Variants in COL21A1 observed in about 807,000 individuals in gnomAD.
COL21A1 encodes the protein collagen alpha-1(XXI) chain.
A neutral mutation model predicts 137.9 loss-of-function variants in COL21A1; 149 were observed. The observed-to-expected ratio is 1.08, with a 90% confidence interval of 0.95 to 1.24. COL21A1 has a LOEUF of 1.24. Among genes scored for constraint, COL21A1 ranks in the 50% most tolerant of loss-of-function variants. COL21A1 has a pLI of 0.00. For synonymous variants in COL21A1, 456 were observed against 391.5 expected (o/e 1.16, Z -1.95); for missense variants, 1,167 against 1,158.4 (o/e 1.01, Z -0.11).
At chr6:56,245,010 C>T (rs1782562439) in intron 1 of COL21A1, among the ~76,000 whole-genome samples, 1 of 152,164 alleles carries the variant, frequency 6.6e-6, no homozygotes, top group Non-Finnish European at 1.5e-5. Context: ...CTCACCTACT[C>T]TTTTTGCCAG....
chr6:56,254,821 T>A (rs1782929079), intron 1 of COL21A1, among the ~76,000 whole-genome samples: 1 of 152,166 alleles, frequency 6.6e-6, no homozygotes, highest in South Asian at 2.1e-4. Flanking sequence ...ATGAAGAAAA[T>A]CAGTGAAGAC....
chr6:56,097,753 T>G (rs556037516), intron 17 of COL21A1, among the ~76,000 whole-genome samples: 1 of 124,520 alleles, frequency 8.0e-6, no homozygotes, highest in Non-Finnish European at 1.6e-5. Flanking sequence ...TTTATATTTT[T>G]TATATATATA....
Position 56,060,210 on chromosome 6 carries a change from G to A in COL21A1, c.2416C>T (p.Pro806Ser), listed in dbSNP as rs200564236. Reference protein sequence around the residue: ...VCTDVIRAQLPVLLQSGRIRN... With the variant: ...VCTDVIRAQLSVLLQSGRIRN... ...ATTCTTCCACTCTGAAGTAAGACTG[G>A]TAGCTGGGCTTTCAAAAACAAAGAA... Residue 806 changes from proline (P) to serine (S), a missense_variant, in exon 28 of 30, where the codon CCA becomes TCA. Pro to Ser is a moderately conservative substitution (Grantham distance 74, BLOSUM62 -1). Coordinates refer to ENST00000244728, the MANE Select transcript of COL21A1 (RefSeq NM_030820.4). 1.3e-6 allele frequency: 2 copies of A among 1,595,448 alleles called. No individual in the cohort carries two copies. Among genetic ancestry groups the A allele is most frequent in the African/African-American group, 2.7e-5 (2 of 73,830 alleles).
chr6:56,211,260 A>C (rs942543315), intron 1 of COL21A1, among the ~76,000 whole-genome samples: 1 of 143,592 alleles, frequency 7.0e-6, no homozygotes, highest in African/African-American at 2.5e-5. Flanking sequence ...TAATGAAAGG[A>C]TAGGCCACAC....
intron 1 of COL21A1, among the ~76,000 whole-genome samples, chr6:56,352,813 G>A (rs1765741204): frequency 6.6e-6 from 1 of 152,164 alleles, no homozygotes; most frequent in Non-Finnish European, 1.5e-5. Context: ...GCCAAGGCGG[G>A]CAAATCAGCT....
intron 1 of COL21A1, among the ~76,000 whole-genome samples, chr6:56,379,584 A>G (rs1320112692): frequency 6.6e-6 from 1 of 152,214 alleles, no homozygotes; most frequent in East Asian, 1.9e-4. Context: ...CCTCCTCCTC[A>G]TCCTACGTTC....
intron 1 of COL21A1, among the ~76,000 whole-genome samples, chr6:56,223,116 G>A (rs7771018): frequency 5.3e-5 from 8 of 151,758 alleles, no homozygotes; most frequent in African/African-American, 9.7e-5. Context: ...GGGATAAACC[G>A]TGTTCTTCCA....
At chr6:56,127,232 G>T (rs1461967294) in intron 12 of COL21A1, among the ~76,000 whole-genome samples, 1 of 152,140 alleles carries the variant, frequency 6.6e-6, no homozygotes, top group Non-Finnish European at 1.5e-5. Context: ...AGTAGTCAGG[G>T]TTTATTTTGT....
chr6:56,272,640 T>C (rs1356505907), intron 1 of COL21A1, among the ~76,000 whole-genome samples: 1 of 152,042 alleles, frequency 6.6e-6, no homozygotes, highest in Non-Finnish European at 1.5e-5. Context: ...CCAATTGTAA[T>C]CCCCATGTGT....
chr6:56,210,862 G>A (rs1026599238), intron 1 of COL21A1, among the ~76,000 whole-genome samples: 1 of 151,796 alleles, frequency 6.6e-6, no homozygotes, highest in Non-Finnish European at 1.5e-5. Flanking sequence ...AAACTTAAGA[G>A]GCATCAATTA....
At chr6:56,308,797 C>T (rs929079172) in intron 1 of COL21A1, among the ~76,000 whole-genome samples, 2 of 152,132 alleles carry the variant, frequency 1.3e-5, no homozygotes, top group Admixed American at 6.5e-5. Context: ...ATATCAAGTG[C>T]TCAGTAGCCT....
chr6:56,205,992 A>G (rs949838826), intron 1 of COL21A1, among the ~76,000 whole-genome samples: 2 of 152,216 alleles, frequency 1.3e-5, no homozygotes, highest in Non-Finnish European at 2.9e-5. Flanking sequence ...AGCACTAAAC[A>G]TGGAGAGGAA....
intron 12 of COL21A1, among the ~76,000 whole-genome samples, chr6:56,132,269 G>C (rs1773619966): frequency 6.6e-6 from 1 of 152,078 alleles, no homozygotes; most frequent in African/African-American, 2.4e-5. Context: ...AGCAATTGGA[G>C]AGATGTCAAT....
chr6:56,195,701 A>G (rs932702677), intron 1 of COL21A1, among the ~76,000 whole-genome samples: 3 of 152,222 alleles, frequency 2.0e-5, no homozygotes, highest in Admixed American at 2.0e-4. Context: ...CAAAATCCTA[A>G]CAGACCTAGA....
chr6:56,337,064 A>G (rs1157185931), intron 1 of COL21A1, among the ~76,000 whole-genome samples: 1 of 152,132 alleles, frequency 6.6e-6, no homozygotes, highest in Non-Finnish European at 1.5e-5. Context: ...CTTCCAAGAT[A>G]TTTGTCTCAT....
chr6:56,222,882 T>A (rs1237717530), intron 1 of COL21A1, among the ~76,000 whole-genome samples: 2 of 152,100 alleles, frequency 1.3e-5, no homozygotes, highest in Non-Finnish European at 2.9e-5. Flanking sequence ...GCTTTGACAA[T>A]GGAGGGTGAG....
Position 56,168,112 on chromosome 6 carries a change from T to C in COL21A1, c.1200+12A>G, listed in dbSNP as rs371566532. On this transcript the variant is annotated intron_variant, in intron 6 of 29. Transcript: ENST00000244728. Reference sequence around the variant, plus strand: ...TCTATATAATTCAAAGAGTAAATCATTATTTATCTACCTGAACAGTTTCTT... The same window carrying C: ...TCTATATAATTCAAAGAGTAAATCACTATTTATCTACCTGAACAGTTTCTT... The C allele has an allele frequency of 6.8e-5, 99 of 1,465,950 alleles. No homozygotes were observed. The highest frequency in any genetic ancestry group is 8.1e-5 in the Non-Finnish European group (89 of 1,096,108). 90.8% of individuals were successfully genotyped at this position (1,465,950 alleles called of 1,614,324 possible).
chr6:56,252,714 G>A (rs1050733316), intron 1 of COL21A1, among the ~76,000 whole-genome samples: 1 of 152,102 alleles, frequency 6.6e-6, no homozygotes, highest in Non-Finnish European at 1.5e-5. Flanking sequence ...AGAGAGTAGG[G>A]CATGTAATTC....
chr6:56,181,096 C>CA (rs1462849954), intron 2 of COL21A1, among the ~76,000 whole-genome samples: 1 of 152,102 alleles, frequency 6.6e-6, no homozygotes, highest in Non-Finnish European at 1.5e-5. Flanking sequence ...CAAGAAGTTC[C>CA]AAAAATAAAA....
Sources: allele counts gnomAD v4.1 joint callset (sites outside exome capture counted in the v4.1 genomes callset), GRCh38; gene constraint gnomAD v4.1.1; transcripts MANE v1.5; gene names NCBI Gene and HGNC (gene_info 2026-07-23, HGNC 2026-07-21).